Variants in COLEC10 observed in about 807,000 individuals in gnomAD.
COLEC10 encodes the protein collectin subfamily member 10.
A neutral mutation model predicts 28.4 loss-of-function variants in COLEC10; 22 were observed. The ratio of observed to expected loss-of-function variants is 0.78; its 90% CI spans 0.55 to 1.11. The LOEUF (loss-of-function observed/expected upper bound fraction) is 1.11. COLEC10 is among the 50% of genes least tolerant of loss of function. COLEC10 has a pLI of 0.00. For synonymous variants in COLEC10, 125 were observed against 116.1 expected (o/e 1.08, Z -0.49); for missense variants, 361 against 344.1 (o/e 1.05, Z -0.39).
intron 3 of COLEC10, among the ~76,000 whole-genome samples, chr8:119,096,163 G>A (rs1347851689): frequency 6.6e-6 from 1 of 152,122 alleles, no homozygotes; most frequent in Non-Finnish European, 1.5e-5. Context: ...AAATTTGAAA[G>A]GTGAAGCAAT....
At chr8:119,002,246 G>A (rs1418902749) in intron 1 of COLEC10, among the ~76,000 whole-genome samples, 1 of 151,954 alleles carries the variant, frequency 6.6e-6, no homozygotes. Flanking sequence ...TGCTTCAAAA[G>A]TGTAATAGAA....
upstream of COLEC10, among the ~76,000 whole-genome samples, chr8:118,995,258 T>G (rs1813570685): frequency 6.6e-6 from 1 of 152,212 alleles, no homozygotes; most frequent in African/African-American, 2.4e-5. Flanking sequence ...TGCATATAAG[T>G]GCCTGAGACA....
chr8:119,019,472 G>C (rs1393998701), intron 2 of COLEC10, among the ~76,000 whole-genome samples: 1 of 152,100 alleles, frequency 6.6e-6, no homozygotes, highest in Non-Finnish European at 1.5e-5. Context: ...TTCACCCATG[G>C]TCTTCCGTCT....
chr8:119,067,686 G>A (rs200408980), intron 1 of COLEC10: 12 of 372,236 alleles, frequency 3.2e-5, no homozygotes, highest in East Asian at 5.0e-5. Flanking sequence ...AGGGCAGGGG[G>A]AAATTCCCTG....
chr8:118,959,796 C>T, the COLEC10 span, among the ~76,000 whole-genome samples: 1 of 152,204 alleles, frequency 6.6e-6, no homozygotes, highest in African/African-American at 2.4e-5. Flanking sequence ...ATGCCAGACA[C>T]TGTGAAACCT....
the COLEC10 span, among the ~76,000 whole-genome samples, chr8:118,953,736 T>C: frequency 3.9e-5 from 6 of 152,194 alleles, no homozygotes; most frequent in Non-Finnish European, 7.3e-5. Flanking sequence ...GCCTGGCCCA[T>C]AGGAAATATT....
chr8:119,091,242 T>C (rs372078664), intron 3 of COLEC10, 22 bp downstream of exon 3: 90 of 1,591,166 alleles, frequency 5.7e-5, no homozygotes, highest in Non-Finnish European at 5.2e-6. Flanking sequence ...CTTACTATTC[T>C]CCAGTAGCAA....
chr8:118,983,659 A>C, the COLEC10 span, among the ~76,000 whole-genome samples: 1 of 152,124 alleles, frequency 6.6e-6, no homozygotes, highest in African/African-American at 2.4e-5. Context: ...CAACCCCATT[A>C]AAAAGTGGGC....
chr8:119,083,818 A>G (rs1011643180), intron 1 of COLEC10, among the ~76,000 whole-genome samples: 7 of 152,274 alleles, frequency 4.6e-5, no homozygotes, highest in Admixed American at 3.3e-4. Flanking sequence ...GTTAAAATGT[A>G]AGTATAAATT....
intron 2 of COLEC10, among the ~76,000 whole-genome samples, chr8:119,033,401 T>G (rs1179916080): frequency 6.6e-6 from 1 of 152,062 alleles, no homozygotes; most frequent in African/African-American, 2.4e-5. Flanking sequence ...ACAAATGGGA[T>G]CTTATTAAAC....
the COLEC10 span, among the ~76,000 whole-genome samples, chr8:118,964,780 A>G: frequency 1.3e-5 from 2 of 152,164 alleles, no homozygotes; most frequent in Non-Finnish European, 2.9e-5. Flanking sequence ...CTGAACTTCT[A>G]AGTAAAGACA....
At position 118,998,683 on chromosome 8, in the gene COLEC10, C is replaced by CAAA. The variant is rs71569784; in HGVS notation, n.122+3122_122+3124dup. 4.0e-3 allele frequency among the ~76,000 whole-genome samples: 563 copies of CAAA among 139,454 alleles called. 4 individuals carry two copies. The highest frequency in any genetic ancestry group is 5.3e-3 in the South Asian group (23 of 4,330). The allele number at this position is 139,454 out of a possible 152,430, so 91.5% of individuals were successfully genotyped here. On this transcript the variant is annotated intron_variant and non_coding_transcript_variant, in intron 1 of 6. Coordinates refer to the COLEC10 transcript ENST00000521788. The stretch of plus-strand genomic sequence containing the variant: ...GAAACCCCGTCTCTACTGAAAAATA[C>CAAA]AAAAAAAAAAAAAATTAGCCAGGCG...
chr8:119,007,411 G>A lies in COLEC10; in HGVS notation n.123-2030G>A, dbSNP rs186950761. 2.8e-5 allele frequency among the ~76,000 whole-genome samples: 4 copies of A among 144,510 alleles called. No homozygotes were observed. The East Asian group carries it at 5.8e-4, about 21-fold the overall frequency. The allele number at this position is 144,510 out of a possible 152,430, so 94.8% of individuals were successfully genotyped here. On this transcript the variant is annotated intron_variant and non_coding_transcript_variant, in intron 1 of 6. Transcript: ENST00000521788. Reference sequence around the variant, plus strand: ...ACATGACAAATTTACTGATTGGATAGACGGATAGGGAAGGTTCTTCTGTAA... The same window carrying A: ...ACATGACAAATTTACTGATTGGATAAACGGATAGGGAAGGTTCTTCTGTAA...
intron 2 of COLEC10, among the ~76,000 whole-genome samples, chr8:119,037,670 T>C (rs1331147472): frequency 1.3e-5 from 2 of 152,202 alleles, no homozygotes; most frequent in Non-Finnish European, 2.9e-5. Context: ...TAAATGACCT[T>C]CTAGTCTATG....
intron 2 of COLEC10, among the ~76,000 whole-genome samples, chr8:119,015,722 G>T (rs12678880): frequency 2.6e-5 from 4 of 152,106 alleles, no homozygotes; most frequent in Non-Finnish European, 5.9e-5. Flanking sequence ...GTATTCCTAT[G>T]TCTGTCTCTC....
chr8:118,981,372 C>T, the COLEC10 span, among the ~76,000 whole-genome samples: 108 of 152,088 alleles, frequency 7.1e-4, no homozygotes, highest in African/African-American at 2.5e-3. Flanking sequence ...GTCTATTTCT[C>T]AATTTTTATT....
intron 1 of COLEC10, among the ~76,000 whole-genome samples, chr8:119,075,890 A>ATTTT: frequency 7.7e-6 from 1 of 129,556 alleles, no homozygotes; most frequent in African/African-American, 2.9e-5. Context: ...GATCAGCCAT[A>ATTTT]TCTTTTTTTT....
At chr8:119,042,622 A>G (rs1298112870) in intron 2 of COLEC10, among the ~76,000 whole-genome samples, 2 of 152,200 alleles carry the variant, frequency 1.3e-5, no homozygotes, top group South Asian at 2.1e-4. Context: ...AGGACCAAAC[A>G]CAGTAAATGG....
intron 1 of COLEC10, among the ~76,000 whole-genome samples, chr8:119,076,895 A>C (rs1258021594): frequency 6.6e-6 from 1 of 152,220 alleles, no homozygotes; most frequent in Admixed American, 6.5e-5. Context: ...GTGTGGCAGC[A>C]AGTGTGAAAA....
Sources: allele counts gnomAD v4.1 joint callset (sites outside exome capture counted in the v4.1 genomes callset), GRCh38; gene constraint gnomAD v4.1.1; transcripts MANE v1.5; gene names NCBI Gene and HGNC (gene_info 2026-07-23, HGNC 2026-07-21).